The following KCNH8 variants were observed in gnomAD, a reference collection of about 807,000 sequenced individuals.
The protein encoded by KCNH8 is voltage-gated delayed rectifier potassium channel KCNH8.
KCNH8 carries 70 observed loss-of-function variants against 103.6 expected under a neutral mutation model. That is an observed-to-expected ratio of 0.68 (90% CI 0.56 to 0.82). The LOEUF is 0.82. Ranked by LOEUF, KCNH8 falls within the 40% of genes least tolerant of loss-of-function variation. The pLI is 0.00. For synonymous variants in KCNH8, 498 were observed against 489.4 expected, an observed-to-expected ratio of 1.02 and a Z score of -0.23; for missense variants, 1,217 against 1,329.9, an observed-to-expected ratio of 0.92 and a Z score of 1.32.
At chr3:19,346,475 G>T (rs756020913) in intron 4 of KCNH8, among the ~76,000 whole-genome samples, 2 of 152,068 alleles carry the variant, frequency 1.3e-5, no homozygotes, top group South Asian at 2.1e-4. Flanking sequence ...TGAGATGCCT[G>T]TGTGGGTTGA....
rs562097685 is a variant in KCNH8, at chr3:19,476,714, C to A, written c.2040+19732C>A. On this transcript the variant is annotated intron_variant, in intron 11 of 15. Transcript: ENST00000328405. ...ACATCATTGCTGAGAGATTTGTAGT[C>A]AGTTTTCTTCACATAATAGTGTGTA... 2.6e-5 allele frequency among the ~76,000 whole-genome samples: 4 copies of A among 152,182 alleles called. No homozygotes were observed. In the South Asian group the frequency reaches 8.3e-4, roughly 32 times the overall value.
intron 5 of KCNH8, among the ~76,000 whole-genome samples, chr3:19,376,186 CCCTCCCCCAGCCTCGCTG>C (rs1378373210): frequency 6.6e-6 from 1 of 152,236 alleles, no homozygotes; most frequent in African/African-American, 2.4e-5. Context: ...TGGCGGGCGC[CCCTCCCCCAGCCTCGCTG>C]CCGCCTTGCA....
chr3:19,281,352 AT>A, intron 3 of KCNH8, 23 bp downstream of exon 3: 1 of 1,569,644 alleles, frequency 6.4e-7, no homozygotes, highest in Non-Finnish European at 8.6e-7. Flanking sequence ...TTCAGAAAAC[AT>A]TGACAGATGG....
chr3:19,322,165 G>T (rs935309498), intron 3 of KCNH8, among the ~76,000 whole-genome samples: 55 of 152,128 alleles, frequency 3.6e-4, no homozygotes, highest in Admixed American at 2.8e-3. Flanking sequence ...CTTTTAATTG[G>T]AGCATTTAGG....
intron 1 of KCNH8, among the ~76,000 whole-genome samples, chr3:19,252,127 C>T (rs1052532617): frequency 1.3e-5 from 2 of 152,016 alleles, no homozygotes; most frequent in Admixed American, 1.3e-4. Context: ...AGTCACCCAC[C>T]AACACATTTT....
rs113719669 is a variant in KCNH8 at position 19,397,549 on chromosome 3, A to ATGTG, written c.1177+2242_1177+2245dup. ...TGTATATATACACACATATATATATATGTGTGTATATATACATATATATAT... is the reference window on the plus strand; with the variant it reads ...TGTATATATACACACATATATATATATGTGTGTGTGTATATATACATATATATAT... On this transcript the variant is annotated intron_variant, in intron 7 of 15. Coordinates refer to ENST00000328405, the MANE Select transcript of KCNH8 (RefSeq NM_144633.3). 3.3e-5 allele frequency among the ~76,000 whole-genome samples: 5 copies of ATGTG among 150,128 alleles called. No individual in the cohort carries two copies. In the East Asian group the frequency reaches 6.0e-4, roughly 18 times the overall value.
chr3:19,158,718 C>T (rs77432676), intron 1 of KCNH8, among the ~76,000 whole-genome samples: 11,851 of 151,766 alleles, frequency 0.078, 1,509 homozygotes, highest in African/African-American at 0.26. Flanking sequence ...TGTTTGTTTA[C>T]TTGAAGGAAA....
intron 3 of KCNH8, among the ~76,000 whole-genome samples, chr3:19,291,935 TATTA>T (rs904186048): frequency 1.3e-5 from 2 of 152,236 alleles, no homozygotes; most frequent in Admixed American, 6.5e-5. Context: ...AATACTTTCT[TATTA>T]ATTAATTGTA....
intron 3 of KCNH8, among the ~76,000 whole-genome samples, chr3:19,285,119 C>T (rs1437412494): frequency 6.6e-6 from 1 of 151,140 alleles, no homozygotes; most frequent in African/African-American, 2.4e-5. Flanking sequence ...CAGCAGGGGG[C>T]TTTAATTTTT....
intron 11 of KCNH8, among the ~76,000 whole-genome samples, chr3:19,499,933 A>G (rs1041404143): frequency 1.3e-5 from 2 of 152,214 alleles, no homozygotes; most frequent in Non-Finnish European, 1.5e-5. Flanking sequence ...AAATTCACAC[A>G]TAACAATATT....
chr3:19,361,970 C>G (rs371464500), intron 5 of KCNH8, among the ~76,000 whole-genome samples: 17 of 152,166 alleles, frequency 1.1e-4, no homozygotes, highest in African/African-American at 3.9e-4. Flanking sequence ...GAAGCTAGAG[C>G]TAAAACCCTG....
At chr3:19,242,130 C>T (rs1273344412) in intron 1 of KCNH8, among the ~76,000 whole-genome samples, 2 of 152,114 alleles carry the variant, frequency 1.3e-5, no homozygotes, top group East Asian at 3.9e-4. Context: ...TATTCCAGGC[C>T]ATGAAAGAGG....
rs142584691 is a variant in KCNH8 at position 19,486,833 on chromosome 3, G to C, written c.2041-23530G>C. Reference sequence around the variant, plus strand: ...TTCCCTTACTTGCCTTCTGGTTTTAGGTTCCAGTAGGCTGCAGATGACCTG... The same window carrying C: ...TTCCCTTACTTGCCTTCTGGTTTTACGTTCCAGTAGGCTGCAGATGACCTG... On this transcript the variant is annotated intron_variant, in intron 11 of 15. Transcript: ENST00000328405. 7.5e-3 allele frequency among the ~76,000 whole-genome samples: 1,148 copies of C among 152,244 alleles called. 13 individuals carry two copies. Among genetic ancestry groups the C allele is most frequent in the South Asian group, 0.019 (93 of 4,826 alleles).
intron 11 of KCNH8, among the ~76,000 whole-genome samples, chr3:19,507,441 C>T (rs1028087781): frequency 6.6e-6 from 1 of 152,150 alleles, no homozygotes; most frequent in Non-Finnish European, 1.5e-5. Flanking sequence ...GGAAGAGGGT[C>T]TGGATTCCTC....
chr3:19,496,931 G>A (rs988994126), intron 11 of KCNH8, among the ~76,000 whole-genome samples: 1 of 152,088 alleles, frequency 6.6e-6, no homozygotes, highest in Non-Finnish European at 1.5e-5. Context: ...GAGGTTATAT[G>A]TGTCCAGGAA....
At chr3:19,192,843 A>C (rs2063566323) in intron 1 of KCNH8, among the ~76,000 whole-genome samples, 1 of 151,752 alleles carries the variant, frequency 6.6e-6, no homozygotes, top group Non-Finnish European at 1.5e-5. Flanking sequence ...GTCTGATTCC[A>C]ATAAAAGAGA....
At chr3:19,204,894 C>T (rs544913641) in intron 1 of KCNH8, among the ~76,000 whole-genome samples, 3 of 152,106 alleles carry the variant, frequency 2.0e-5, no homozygotes, top group East Asian at 3.9e-4. Flanking sequence ...GAAATCTTTG[C>T]GCTTGATCTT....
In KCNH8 at chr3:19,342,690, A is replaced by T; in HGVS notation, c.546A>T (p.Glu182Asp). The T allele has an allele frequency of 6.2e-7, 1 of 1,609,654 alleles. No homozygotes were observed. The highest frequency in any genetic ancestry group is 8.5e-7 in the Non-Finnish European group (1 of 1,176,920). The part of the protein sequence containing the change: ...YHISGHLQRR[E>D]KNKLKINNNV... ...TCTCTGGGCACCTGCAAAGAAGAGA[A>T]AAGAACAAATTGAAAATAAATAACG... The change falls in exon 4 of 16, where the codon GAA becomes GAT. Residue 182 changes from glutamate to aspartate, a missense_variant. Glu to Asp is a conservative substitution (Grantham distance 45, BLOSUM62 2). This residue lies in a region of KCNH8 where 244 missense variants were observed against 256.8 expected (regional missense o/e 0.95). Coordinates refer to ENST00000328405, the MANE Select transcript of KCNH8 (RefSeq NM_144633.3).
intron 1 of KCNH8, among the ~76,000 whole-genome samples, chr3:19,197,785 A>G (rs1341228997): frequency 6.6e-6 from 1 of 151,658 alleles, no homozygotes; most frequent in Non-Finnish European, 1.5e-5. Flanking sequence ...GTTGTATAAA[A>G]TTTTACTGTT....
Sources: allele counts gnomAD v4.1 joint callset (sites outside exome capture counted in the v4.1 genomes callset), GRCh38; gene constraint gnomAD v4.1.1; regional missense constraint gnomAD v4.1.1; transcripts MANE v1.5; gene names NCBI Gene and HGNC (gene_info 2026-07-23, HGNC 2026-07-21).